NOS1: variants seen among roughly 807,000 people sequenced by gnomAD.
The protein encoded by NOS1 is nitric oxide synthase 1.
Under a neutral mutation model 164.5 loss-of-function variants are expected in NOS1, and 51 were observed. The ratio of observed to expected loss-of-function variants is 0.31; its 90% CI spans 0.25 to 0.39. The LOEUF is 0.39. NOS1 is among the 10% of genes least tolerant of loss of function. The probability of loss-of-function intolerance (pLI) is 1.00; values close to 1 mark genes in which losing one functional copy is unlikely to be tolerated. For synonymous variants in NOS1, 719 were observed against 745.8 expected (o/e 0.96, Z 0.59); for missense variants, 1,362 against 1,885.6 (o/e 0.72, Z 5.14).
Position 117,288,121 on chromosome 12 carries a change from G to A in NOS1, c.1080C>T (p.Phe360=). 6.2e-7 allele frequency: 1 copy of A among 1,614,204 alleles called. No individual in the cohort carries two copies. Residue 360 remains phenylalanine, a synonymous_variant, in exon 5 of 29, where the codon TTC becomes TTT. Transcript: ENST00000317775. The stretch of plus-strand genomic sequence containing the variant: ...GATCAATAAACTCTTTGGCGAGAGG[G>A]AAGAGCTGTCCTTTTGTGCGGACGT... The part of the protein sequence containing the change: ...PEDVRTKGQL[F]PLAKEFIDQY...
intron 20 of NOS1, among the ~76,000 whole-genome samples, chr12:117,236,090 A>ATG (rs1230207991): frequency 2.0e-5 from 3 of 152,218 alleles, no homozygotes; most frequent in African/African-American, 7.2e-5. Context: ...GTATTTCAGT[A>ATG]CAGATATACT....
At chr12:117,348,713 A>C (rs1008235514) in intron 1 of NOS1, among the ~76,000 whole-genome samples, 1 of 152,216 alleles carries the variant, frequency 6.6e-6, no homozygotes, top group Admixed American at 6.5e-5. Flanking sequence ...TGATCTAATC[A>C]TGAAAACACA....
chr12:117,226,208 C>A (rs1030513668), intron 24 of NOS1, among the ~76,000 whole-genome samples: 1 of 152,222 alleles, frequency 6.6e-6, no homozygotes, highest in South Asian at 2.1e-4. Flanking sequence ...AGTTATTGAT[C>A]GACAAAACAG....
At chr12:117,260,336 G>A in intron 14 of NOS1, 129 bp downstream of exon 14, 1 of 926,956 alleles carries the variant, frequency 1.1e-6, no homozygotes, top group Non-Finnish European at 1.6e-6. Context: ...GTGTATGTGA[G>A]CTGATAGGCC....
chr12:117,320,988 A>G (rs1004921573), intron 2 of NOS1, among the ~76,000 whole-genome samples: 3 of 151,958 alleles, frequency 2.0e-5, no homozygotes, highest in South Asian at 2.1e-4. Context: ...ATGTACCACT[A>G]TCTAAGATGA....
chr12:117,218,213 G>A (rs745631309), intron 27 of NOS1, 49 bp from the exon 28 acceptor site: 17 of 1,393,246 alleles, frequency 1.2e-5, no homozygotes, highest in Non-Finnish European at 1.7e-5. Flanking sequence ...CCAGATAAAG[G>A]CTTGGAGCAG....
rs910063374 is a variant in NOS1 at position 117,211,729 on chromosome 12, A to C, written c.*3580T>G. 63 of 985,336 alleles carry C rather than the reference A, an allele frequency of 6.4e-5. No homozygotes were observed. The African/African-American group carries it at 9.8e-4, about 15-fold the overall frequency. 61.0% of individuals were successfully genotyped at this position (985,336 alleles called of 1,614,324 possible). ...AAATCCCGCCCATTTCTCAAACCCCAGAAATTTATGTCAGTTCCAAGACGG... is the reference window on the plus strand; with the variant it reads ...AAATCCCGCCCATTTCTCAAACCCCCGAAATTTATGTCAGTTCCAAGACGG... On this transcript the variant is annotated 3_prime_UTR_variant, in exon 29 of 29. Coordinates refer to ENST00000317775, the MANE Select transcript of NOS1 (RefSeq NM_000620.5).
At chr12:117,238,503 GTTTCTTTTCT>G (rs139116957) in intron 20 of NOS1, among the ~76,000 whole-genome samples, 3,171 of 151,264 alleles carry the variant, frequency 0.021, 125 homozygotes, top group African/African-American at 0.073. Context: ...GAGAGCTATT[GTTTCTTTTCT>G]TTTCTTTTCT....
At chr12:117,223,540 G>A (rs9658519) in intron 25 of NOS1, among the ~76,000 whole-genome samples, 383 of 151,798 alleles carry the variant, frequency 2.5e-3, no homozygotes, top group Non-Finnish European at 4.2e-3. Flanking sequence ...GATTATAAGC[G>A]TGAGCCACTG....
chr12:117,213,350 A>C lies in NOS1; in HGVS notation c.*1959T>G. 1.0e-6 allele frequency: 1 copy of C among 985,454 alleles called. No homozygotes were observed. The highest frequency in any genetic ancestry group is 1.2e-6 in the Non-Finnish European group (1 of 829,932). 61.0% of individuals were successfully genotyped at this position (985,454 alleles called of 1,614,324 possible). Reference sequence around the variant, plus strand: ...AGGAGTTTAGAATGGGCTTCCCTTCAGGATTAGAAGGGGTGAGTGTGGGAT... The same window carrying C: ...AGGAGTTTAGAATGGGCTTCCCTTCCGGATTAGAAGGGGTGAGTGTGGGAT... On this transcript the variant is annotated 3_prime_UTR_variant, in exon 29 of 29. Transcript: ENST00000317775.
In NOS1 at chr12:117,234,745, A is replaced by G. The variant is rs747934603; in HGVS notation, c.3055T>C (p.Phe1019Leu). 5.0e-6 allele frequency: 8 copies of G among 1,611,150 alleles called. No homozygotes were observed. The South Asian group carries it at 7.7e-5, about 16-fold the overall frequency. The change falls in exon 21 of 29, where the codon TTC becomes CTC. Residue 1019 changes from phenylalanine (F) to leucine (L), a missense_variant. By Grantham distance (22) the Phe-to-Leu change is conservative. Around this residue, in one of 4 missense-constraint regions of NOS1, gnomAD observed 737 missense variants for 1,030.3 expected, o/e 0.72. Coordinates refer to ENST00000317775, the MANE Select transcript of NOS1 (RefSeq NM_000620.5). This position sits in a 1 kb window ranked among gnomAD's most constrained non-coding sequence, Gnocchi z 4.3. ...CTCCCGTTGGTGTGGAGACGCACGAAGATAGTTGACCGACTGCAGGAAATT... is the reference window on the plus strand; with the variant it reads ...CTCCCGTTGGTGTGGAGACGCACGAGGATAGTTGACCGACTGCAGGAAATT... ...QSPKSSRSTI[F>L]VRLHTNGSQE...
chr12:117,309,062 GTCTT>G (rs1424571280), intron 3 of NOS1, among the ~76,000 whole-genome samples: 2 of 152,148 alleles, frequency 1.3e-5, no homozygotes, highest in Admixed American at 1.3e-4. Context: ...GCCTCTTGCT[GTCTT>G]TCTTTCTCTT....
intron 2 of NOS1, among the ~76,000 whole-genome samples, 183 bp from the exon 3 acceptor site, chr12:117,311,775 G>A (rs9658301): frequency 0.015 from 2,257 of 152,284 alleles, 53 homozygotes; most frequent in African/African-American, 0.051. Flanking sequence ...CACGTGGGAA[G>A]GCAGCTCTGG....
chr12:117,312,227 T>TA (rs1310451482), intron 2 of NOS1, among the ~76,000 whole-genome samples: 5 of 152,182 alleles, frequency 3.3e-5, no homozygotes, highest in African/African-American at 1.2e-4. Flanking sequence ...TGTGGGTTTT[T>TA]AAAAAATATT....
Position 117,234,580 on chromosome 12 carries a change from G to A in NOS1, c.3220C>T (p.Arg1074Trp), listed in dbSNP as rs1163170281. ...QMVKVELLEE[R>W]NTALGVISNW... ...GGAATGTTACCTAAAGCCGTGTTCC[G>A]CTCCTCCAGCAGTTCCACTTTCACC... is the stretch of plus-strand genomic sequence containing the variant. The change falls in exon 21 of 29, where the codon CGG (arginine) becomes TGG (tryptophan). Residue 1074 changes from arginine (R) to tryptophan (W), a missense_variant. Around this residue, in one of 4 missense-constraint regions of NOS1, gnomAD observed 737 missense variants for 1,030.3 expected, o/e 0.72. Transcript: ENST00000317775. The surrounding 1 kb of genome is among the most constrained non-coding windows in gnomAD (Gnocchi z 4.3). The A allele has an allele frequency of 6.2e-6, 10 of 1,613,496 alleles. No individual in the cohort carries two copies. Among genetic ancestry groups the A allele is most frequent in the African/African-American group, 1.3e-5 (1 of 74,892 alleles).
intron 3 of NOS1, among the ~76,000 whole-genome samples, chr12:117,306,378 C>T (rs1326959324): frequency 6.7e-6 from 1 of 149,354 alleles, no homozygotes; most frequent in Admixed American, 6.8e-5. Flanking sequence ...ATTGTCACAT[C>T]CTGCAAAGGC....
At chr12:117,216,744 G>A (rs960576402) in intron 28 of NOS1, among the ~76,000 whole-genome samples, 2 of 152,158 alleles carry the variant, frequency 1.3e-5, no homozygotes, top group Non-Finnish European at 2.9e-5. Context: ...TTCCCAAAGT[G>A]CTGGGATTAT....
At chr12:117,269,293 G>A (rs1872638754) in intron 10 of NOS1, among the ~76,000 whole-genome samples, 1 of 151,990 alleles carries the variant, frequency 6.6e-6, no homozygotes, top group Non-Finnish European at 1.5e-5. Flanking sequence ...TCAGGCTTGG[G>A]CTATCTTAGA....
At chr12:117,255,198 A>T (rs187590618) in intron 16 of NOS1, among the ~76,000 whole-genome samples, 182 of 152,140 alleles carry the variant, frequency 1.2e-3, no homozygotes, top group African/African-American at 4.1e-3. Context: ...CCTTGATATT[A>T]AAAAAAATCC....
Sources: gnomAD v4.1 joint callset for allele counts (sites outside exome capture counted in the v4.1 genomes callset) on GRCh38, gnomAD v4.1.1 for gene constraint, gnomAD v4.1.1 regional missense constraint, Gnocchi (gnomAD v3.1) non-coding constraint, MANE v1.5 for transcripts, NCBI Gene and HGNC (gene_info 2026-07-23, HGNC 2026-07-21) for gene names.